Variants in BEAN1 observed in about 807,000 individuals in gnomAD.
BEAN1 encodes protein BEAN1.
In BEAN1, 17 loss-of-function variants were observed where a neutral mutation model predicts 17.7. That is an observed-to-expected ratio of 0.96 (90% CI 0.66 to 1.44). The LOEUF is 1.44. Ranked by LOEUF, BEAN1 falls within the 40% of genes most tolerant of loss-of-function variation. The pLI, the probability that BEAN1 is intolerant of heterozygous loss-of-function variation, is 0.00. For synonymous variants in BEAN1, 142 were observed against 151.8 expected (o/e 0.94, Z 0.47); for missense variants, 359 against 374.1 (o/e 0.96, Z 0.33).
chr16:66,435,475 C>T (rs1961978467), intron 1 of BEAN1, among the ~76,000 whole-genome samples: 1 of 151,354 alleles, frequency 6.6e-6, no homozygotes, highest in African/African-American at 2.5e-5. Context: ...CCAAAGTGCA[C>T]TGAGAAATAA....
rs370272440 is a variant in BEAN1, at chr16:66,491,029, C to T, written c.148-1933C>T. Among the ~76,000 whole-genome samples, 47 of 152,338 alleles carry T rather than the reference C, an allele frequency of 3.1e-4. No individual in the cohort carries two copies. In the East Asian group the frequency reaches 3.3e-3, roughly 11 times the overall value. Reference sequence around the variant, plus strand: ...GACTCTATCCTCCATATCCAGCCCCCCCGAAGCCACCATGAGCAGGTCCCA... The same window carrying T: ...GACTCTATCCTCCATATCCAGCCCCTCCGAAGCCACCATGAGCAGGTCCCA... On this transcript the variant is annotated intron_variant, in intron 4 of 4. Coordinates refer to the BEAN1 transcript ENST00000561796.
chr16:66,455,554 AAGT>A (rs1962832957), intron 2 of BEAN1, among the ~76,000 whole-genome samples: 5 of 152,290 alleles, frequency 3.3e-5, no homozygotes, highest in Admixed American at 3.3e-4. Context: ...TATGAGGAGA[AAGT>A]AGCTCTTTTG....
At chr16:66,463,076 C>T (rs750766320) in intron 2 of BEAN1, among the ~76,000 whole-genome samples, 4 of 152,104 alleles carry the variant, frequency 2.6e-5, no homozygotes, top group African/African-American at 4.8e-5. Context: ...ATGTACTTTG[C>T]GGGACTACCA....
chr16:66,491,579 C>G (rs1405861107), intron 4 of BEAN1, among the ~76,000 whole-genome samples: 1 of 152,152 alleles, frequency 6.6e-6, no homozygotes, highest in African/African-American at 2.4e-5. Context: ...ACCACGAGAC[C>G]AGCGGTCCCC....
chr16:66,455,637 C>A (rs1046642550), intron 2 of BEAN1, among the ~76,000 whole-genome samples: 1 of 151,628 alleles, frequency 6.6e-6, no homozygotes, highest in African/African-American at 2.4e-5. Context: ...CCTAGGGATA[C>A]TGAGAGGTAT....
rs1420302457 is a variant in BEAN1 at position 66,437,671 on chromosome 16, G to A, written c.-6G>A. On this transcript the variant is annotated 5_prime_UTR_variant, in exon 2 of 5. Transcript: ENST00000536005. ...GCTGGCTCCGCTGTTCTGCTCCAAG[G>A]ATTACATGTCCTTCAAACGTCCCTG... is the stretch of plus-strand genomic sequence containing the variant. 36 of 1,535,904 alleles carry A rather than the reference G, an allele frequency of 2.3e-5. No homozygotes were observed. Among genetic ancestry groups the A allele is most frequent in the Non-Finnish European group, 2.9e-5 (33 of 1,146,846 alleles).
At chr16:66,458,818 C>A (rs746536760) in intron 2 of BEAN1, among the ~76,000 whole-genome samples, 4 of 152,208 alleles carry the variant, frequency 2.6e-5, no homozygotes, top group Non-Finnish European at 5.9e-5. Flanking sequence ...GCAAAAGGAC[C>A]TTTTTGCACT....
intron 4 of BEAN1, among the ~76,000 whole-genome samples, chr16:66,492,422 CTCAG>C (rs1964187519): frequency 6.6e-6 from 1 of 151,804 alleles, no homozygotes; most frequent in African/African-American, 2.4e-5. Flanking sequence ...CTTACCCCAG[CTCAG>C]TCACTCTCTT....
chr16:66,442,036 G>A (rs1756064127), intron 2 of BEAN1, among the ~76,000 whole-genome samples: 2 of 152,234 alleles, frequency 1.3e-5, no homozygotes, highest in South Asian at 2.1e-4. Flanking sequence ...CAAGAAAGGG[G>A]GAGGCAGTCA....
At chr16:66,455,954 C>T (rs982477621) in intron 2 of BEAN1, among the ~76,000 whole-genome samples, 3 of 152,196 alleles carry the variant, frequency 2.0e-5, no homozygotes, top group East Asian at 1.9e-4. Context: ...CCCGATGTGC[C>T]GGGATTACAG....
intron 2 of BEAN1, among the ~76,000 whole-genome samples, chr16:66,453,542 TG>T (rs1962755969): frequency 6.6e-6 from 1 of 152,084 alleles, no homozygotes; most frequent in South Asian, 2.1e-4. Flanking sequence ...ATTATTTTTT[TG>T]TATATACAGG....
chr16:66,473,735 T>A lies in BEAN1; in HGVS notation c.290-3825T>A, dbSNP rs1464479465. On this transcript the variant is annotated intron_variant, in intron 3 of 4. Coordinates refer to ENST00000536005, the MANE Select transcript of BEAN1 (RefSeq NM_001178020.3). This position sits in a 1 kb window ranked among gnomAD's most constrained non-coding sequence, Gnocchi z 4.5. ...AAATAAATAAATAATAAATAATAAA[T>A]AAAGAGGGAGGGGCAGTGTACCAGT... Among the ~76,000 whole-genome samples the A allele has an allele frequency of 6.6e-6, 1 of 151,772 alleles. No individual in the cohort carries two copies. The highest frequency in any genetic ancestry group is 2.4e-5 in the African/African-American group (1 of 41,298).
chr16:66,477,952 G>C (rs1176057815), intron 4 of BEAN1: 2 of 404,004 alleles, frequency 5.0e-6, no homozygotes, highest in South Asian at 4.7e-5. Flanking sequence ...ACCTCCTCAG[G>C]CTGTTGAGTA....
At chr16:66,467,393 C>T (rs1963293509) in intron 2 of BEAN1, among the ~76,000 whole-genome samples, 1 of 152,246 alleles carries the variant, frequency 6.6e-6, no homozygotes, top group South Asian at 2.1e-4. Context: ...GCGGAAGGCA[C>T]CTCTTCACGG....
intron 2 of BEAN1, among the ~76,000 whole-genome samples, chr16:66,460,866 C>T (rs766072181): frequency 6.6e-6 from 1 of 152,228 alleles, no homozygotes; most frequent in Non-Finnish European, 1.5e-5. Flanking sequence ...GGGAAAGTTA[C>T]TTAACCTCTC....
At chr16:66,482,846 G>T (rs1597054142), downstream of BEAN1, 1 of 455,736 alleles carries the variant, frequency 2.2e-6, no homozygotes, top group Middle Eastern at 3.3e-4. Flanking sequence ...GAGTGCATAA[G>T]GTTCCTTTTT....
At chr16:66,493,019 G>A (rs1375826455) in exon 5 of BEAN1, 2 of 703,016 alleles carry the variant, frequency 2.8e-6, no homozygotes, top group South Asian at 3.0e-5. Context: ...ACACAAACTG[G>A]ACGCCATCCT....
intron 2 of BEAN1, among the ~76,000 whole-genome samples, chr16:66,444,540 AT>A (rs1334481356): frequency 1.2e-4 from 18 of 152,116 alleles, no homozygotes; most frequent in Admixed American, 1.2e-3. Flanking sequence ...CATCTGTGAA[AT>A]TTGCAATTGT....
intron 2 of BEAN1, among the ~76,000 whole-genome samples, chr16:66,450,581 G>A (rs1962635725): frequency 6.6e-6 from 1 of 152,076 alleles, no homozygotes; most frequent in East Asian, 1.9e-4. Context: ...AGCCAGGTGT[G>A]GTGGTACACA....
Sources: allele counts gnomAD v4.1 joint callset (sites outside exome capture counted in the v4.1 genomes callset), GRCh38; gene constraint gnomAD v4.1.1; non-coding constraint Gnocchi (gnomAD v3.1); transcripts MANE v1.5; gene names NCBI Gene and HGNC (gene_info 2026-07-23, HGNC 2026-07-21).